Variants in PRH1 observed in about 807,000 individuals in gnomAD.
PRH1 encodes the protein proline rich protein HaeIII subfamily 1.
A neutral mutation model predicts 7.9 loss-of-function variants in PRH1; 7 were observed. That is an observed-to-expected ratio of 0.89 (90% confidence interval 0.50 to 1.67). The LOEUF (loss-of-function observed/expected upper bound fraction) is 1.67, where lower values mean the gene tolerates loss of function less well. PRH1 is among the 40% of genes most tolerant of loss of function. The pLI is 0.00. For missense variants in PRH1, 109 were observed against 223.6 expected, an observed-to-expected ratio of 0.49 and a Z score of 3.27; for synonymous variants, 45 against 80.8, an observed-to-expected ratio of 0.56 and a Z score of 2.38.
At chr12:11,082,535 A>ACCAGGT (rs2136234826) in intron 1 of PRH1, among the ~76,000 whole-genome samples, 1 of 113,268 alleles carries the variant, frequency 8.8e-6, no homozygotes, top group Admixed American at 9.0e-5. Context: ...GGAACTCTTG[A>ACCAGGT]CCTCAGGTGA....
At chr12:11,022,163 A>ACAGTT (rs1413663490) in intron 1 of PRH1, 1 of 1,613,894 alleles carries the variant, frequency 6.2e-7, no homozygotes, top group Non-Finnish European at 8.5e-7. Context: ...AGAAATACCA[A>ACAGTT]GGGCCCCAAC....
chr12:11,040,147 T>G (rs1176284127), intron 1 of PRH1, among the ~76,000 whole-genome samples: 1 of 152,230 alleles, frequency 6.6e-6, no homozygotes, highest in Non-Finnish European at 1.5e-5. Context: ...TGTATATGAA[T>G]ATTTGGTTTC....
At chr12:10,958,757 A>G (rs1455015219) in intron 2 of PRH1, among the ~76,000 whole-genome samples, 1 of 152,166 alleles carries the variant, frequency 6.6e-6, no homozygotes, top group East Asian at 1.9e-4. Flanking sequence ...GAAGTGACAC[A>G]AAGGCCAGTG....
chr12:11,086,732 G>C (rs1233178630), intron 1 of PRH1, among the ~76,000 whole-genome samples: 1 of 115,808 alleles, frequency 8.6e-6, no homozygotes, highest in African/African-American at 2.9e-5. Flanking sequence ...TGGCCAACAC[G>C]GTGAAACCCT....
chr12:11,024,878 T>C (rs972381569), intron 1 of PRH1, among the ~76,000 whole-genome samples: 2 of 152,252 alleles, frequency 1.3e-5, no homozygotes, highest in Admixed American at 1.3e-4. Flanking sequence ...TTTGACTAAA[T>C]TTATTCCTGT....
chr12:11,119,617 ATAAGG>A (rs1783670794), downstream of PRH1, among the ~76,000 whole-genome samples: 1 of 152,230 alleles, frequency 6.6e-6, no homozygotes, highest in South Asian at 2.1e-4. Flanking sequence ...CTGTTTACTG[ATAAGG>A]TAAACTAATA....
chr12:11,103,712 TA>T (rs952612147), intron 1 of PRH1, among the ~76,000 whole-genome samples: 16 of 151,486 alleles, frequency 1.1e-4, no homozygotes, highest in African/African-American at 3.6e-4. Context: ...AAATAAAATA[TA>T]AAAAAAATGA....
chr12:10,997,737 T>C (rs374131013), intron 1 of PRH1: 52 of 1,613,864 alleles, frequency 3.2e-5, no homozygotes, highest in Non-Finnish European at 4.4e-5. Context: ...GCAGCAATAA[T>C]TTGATCAGCT....
At chr12:11,071,930 A>G (rs1260338520) in intron 1 of PRH1, among the ~76,000 whole-genome samples, 1 of 152,132 alleles carries the variant, frequency 6.6e-6, no homozygotes, top group Non-Finnish European at 1.5e-5. Flanking sequence ...GAAGTGGTAC[A>G]CTTAAAGGCA....
chr12:11,102,714 C>A (rs570210664), intron 1 of PRH1, among the ~76,000 whole-genome samples: 1 of 152,172 alleles, frequency 6.6e-6, no homozygotes, highest in African/African-American at 2.4e-5. Context: ...AAATAAAGAG[C>A]TTCTGCACAG....
intron 1 of PRH1, among the ~76,000 whole-genome samples, chr12:11,011,413 C>CT (rs1941065107): frequency 6.6e-6 from 1 of 152,094 alleles, no homozygotes; most frequent in Admixed American, 6.6e-5. Flanking sequence ...TATTCAAACA[C>CT]TATGTCCTGG....
intron 1 of PRH1, among the ~76,000 whole-genome samples, chr12:11,143,441 G>C (rs1946765138): frequency 1.3e-5 from 2 of 152,116 alleles, no homozygotes; most frequent in Non-Finnish European, 2.9e-5. Context: ...AGATAGGAAG[G>C]AAAGAAAGAA....
At chr12:11,011,780 T>C (rs1476437854) in intron 1 of PRH1, among the ~76,000 whole-genome samples, 1 of 152,152 alleles carries the variant, frequency 6.6e-6, no homozygotes, top group African/African-American at 2.4e-5. Context: ...AAAATCTGGT[T>C]GCTGCTAACT....
chr12:10,986,365 T>A, intron 1 of PRH1: 1 of 1,614,060 alleles, frequency 6.2e-7, no homozygotes, highest in East Asian at 2.2e-5. Flanking sequence ...CTCAATTTCA[T>A]CTTCCCAGTC....
chr12:11,162,369 CT>C (rs1229740477), intron 1 of PRH1, among the ~76,000 whole-genome samples: 1 of 152,142 alleles, frequency 6.6e-6, no homozygotes, highest in Non-Finnish European at 1.5e-5. Context: ...CAGCCTGCCC[CT>C]AATCATCCAC....
intron 2 of PRH1, among the ~76,000 whole-genome samples, chr12:10,894,149 G>A (rs1949613719): frequency 1.3e-5 from 2 of 152,044 alleles, no homozygotes; most frequent in South Asian, 4.1e-4. Flanking sequence ...TACACTAGAT[G>A]CCAGCAGCAG....
intron 1 of PRH1, among the ~76,000 whole-genome samples, chr12:11,152,704 T>G (rs2136431554): frequency 6.6e-6 from 1 of 152,368 alleles, no homozygotes; most frequent in East Asian, 1.9e-4. Context: ...GCTCTCCCAC[T>G]GTGGGCAAAG....
At chr12:11,072,768 T>A (rs1944131091) in intron 1 of PRH1, among the ~76,000 whole-genome samples, 1 of 135,518 alleles carries the variant, frequency 7.4e-6, no homozygotes, top group Non-Finnish European at 1.7e-5. Context: ...CATGTGGCTC[T>A]CGATTAAGTG....
intron 1 of PRH1, among the ~76,000 whole-genome samples, chr12:11,100,126 A>C (rs1945192285): frequency 6.6e-6 from 1 of 152,184 alleles, no homozygotes; most frequent in Non-Finnish European, 1.5e-5. Flanking sequence ...TCTCCTAATC[A>C]AAAACTTTAA....
Sources: allele counts gnomAD v4.1 joint callset (sites outside exome capture counted in the v4.1 genomes callset), GRCh38; gene constraint gnomAD v4.1.1; transcripts MANE v1.5; gene names NCBI Gene and HGNC (gene_info 2026-07-23, HGNC 2026-07-21).